GTF2IRD1: variants seen among roughly 807,000 people sequenced by gnomAD.
GTF2IRD1 encodes GTF2I repeat domain containing 1.
In GTF2IRD1, 26 loss-of-function variants were observed where a neutral mutation model predicts 113.2. The ratio of observed to expected loss-of-function variants is 0.23; its 90% CI spans 0.17 to 0.32. The LOEUF (loss-of-function observed/expected upper bound fraction) is 0.32. Among genes scored for constraint, GTF2IRD1 ranks in the 10% least tolerant of loss-of-function variants. GTF2IRD1 has a pLI of 1.00. For missense variants in GTF2IRD1, 864 were observed against 1,280.8 expected (o/e 0.67, Z 4.97); for synonymous variants, 484 against 529.1 (o/e 0.91, Z 1.17).
At chr7:74,489,262 C>T (rs1554336184) in intron 1 of GTF2IRD1, among the ~76,000 whole-genome samples, 2 of 152,196 alleles carry the variant, frequency 1.3e-5, no homozygotes, top group Non-Finnish European at 2.9e-5. Context: ...CCTCACCTCC[C>T]GGGCTGATTC....
chr7:74,535,627 G>T (rs1191965592), intron 10 of GTF2IRD1, among the ~76,000 whole-genome samples: 1 of 152,196 alleles, frequency 6.6e-6, no homozygotes, highest in African/African-American at 2.4e-5. Context: ...GAAGATGCGG[G>T]CTCTTCCCGG....
intron 22 of GTF2IRD1, among the ~76,000 whole-genome samples, chr7:74,564,216 G>T (rs781898846): frequency 6.6e-6 from 1 of 152,032 alleles, no homozygotes; most frequent in Non-Finnish European, 1.5e-5. Context: ...GAGTAGAGAC[G>T]GGGTTTCACC....
intron 2 of GTF2IRD1, among the ~76,000 whole-genome samples, chr7:74,511,119 C>A (rs1350032423): frequency 6.6e-6 from 1 of 152,004 alleles, no homozygotes; most frequent in African/African-American, 2.4e-5. Flanking sequence ...CTTGGAGGAG[C>A]ACATGACCCT....
At chr7:74,560,112 C>G (rs1799859585) in intron 22 of GTF2IRD1, among the ~76,000 whole-genome samples, 1 of 152,198 alleles carries the variant, frequency 6.6e-6, no homozygotes, top group African/African-American at 2.4e-5. Flanking sequence ...AGCCACCTTA[C>G]CTGGGCTCCT....
chr7:74,567,182 G>T (rs187304961), intron 22 of GTF2IRD1, among the ~76,000 whole-genome samples: 4 of 151,968 alleles, frequency 2.6e-5, no homozygotes, highest in Non-Finnish European at 5.9e-5. Flanking sequence ...ACAAAAATTC[G>T]CTGGGCATGG....
At chr7:74,486,867 T>C (rs930779908) in intron 1 of GTF2IRD1, among the ~76,000 whole-genome samples, 9 of 151,698 alleles carry the variant, frequency 5.9e-5, no homozygotes, top group African/African-American at 2.2e-4. Context: ...TAATCCCAGC[T>C]ACTCAGGACA....
At chr7:74,528,803 GTGGATGGATGGA>G (rs1243826177) in intron 8 of GTF2IRD1, among the ~76,000 whole-genome samples, 15 of 51,348 alleles carry the variant, frequency 2.9e-4, no homozygotes, top group Non-Finnish European at 4.2e-4. Context: ...GGGTGGGTGG[GTGGATGGATGGA>G]TGGATGGATG....
chr7:74,463,142 T>C (rs552943182), intron 1 of GTF2IRD1, among the ~76,000 whole-genome samples: 1 of 152,286 alleles, frequency 6.6e-6, no homozygotes, highest in South Asian at 2.1e-4. Context: ...AGGAAGGTGG[T>C]GAAGCCACTG....
chr7:74,508,666 G>C (rs558654068), intron 2 of GTF2IRD1, among the ~76,000 whole-genome samples: 1 of 150,818 alleles, frequency 6.6e-6, no homozygotes, highest in Admixed American at 6.6e-5. Context: ...ACTCCAGCCT[G>C]GGTGACAGGG....
At chr7:74,539,693 A>G (rs1276782159) in intron 13 of GTF2IRD1, among the ~76,000 whole-genome samples, 186 bp from the exon 14 acceptor site, 11 of 151,928 alleles carry the variant, frequency 7.2e-5, no homozygotes, top group African/African-American at 2.7e-4. Context: ...ACAGTGAGCC[A>G]AGATGGCGCC....
chr7:74,471,055 TC>T (rs1794053262), intron 1 of GTF2IRD1, among the ~76,000 whole-genome samples: 1 of 152,168 alleles, frequency 6.6e-6, no homozygotes, highest in South Asian at 2.1e-4. Flanking sequence ...TCTGCCCGCC[TC>T]AGCCTCCCAA....
At chr7:74,551,602 C>T (rs1331673258) in intron 17 of GTF2IRD1, among the ~76,000 whole-genome samples, 1 of 152,012 alleles carries the variant, frequency 6.6e-6, no homozygotes, top group East Asian at 1.9e-4. Flanking sequence ...GACATTGAAG[C>T]GGTGACCCAA....
At chr7:74,517,280 A>ACC (rs1554344855) in intron 4 of GTF2IRD1, among the ~76,000 whole-genome samples, 2,589 of 148,470 alleles carry the variant, frequency 0.017, 81 homozygotes, top group African/African-American at 0.06. Flanking sequence ...TGCCTCGGTA[A>ACC]TCCCAAAGTG....
intron 1 of GTF2IRD1, among the ~76,000 whole-genome samples, chr7:74,494,343 C>A (rs571620584): frequency 6.6e-6 from 1 of 152,346 alleles, no homozygotes; most frequent in African/African-American, 2.4e-5. Flanking sequence ...AGCCGAGGAA[C>A]AGCTGGGGCC....
rs1371302243 is a variant in GTF2IRD1 at position 74,462,607 on chromosome 7, G to A, written c.-7+8431G>A. On this transcript the variant is annotated intron_variant, in intron 1 of 26. Coordinates refer to ENST00000424337, the MANE Select transcript of GTF2IRD1 (RefSeq NM_005685.4). ...GGAAATCTAGCAAACCGGCTTGGCCGGCCCTGCATCAGCTCGGGACCCCCC... is the reference window on the plus strand; with the variant it reads ...GGAAATCTAGCAAACCGGCTTGGCCAGCCCTGCATCAGCTCGGGACCCCCC... 1.3e-5 allele frequency among the ~76,000 whole-genome samples: 2 copies of A among 152,264 alleles called. 1 individual carries two copies. The highest frequency in any genetic ancestry group is 6.8e-3 in the Middle Eastern group (2 of 294).
At chr7:74,490,919 G>C (rs1461141403) in intron 1 of GTF2IRD1, among the ~76,000 whole-genome samples, 1 of 152,148 alleles carries the variant, frequency 6.6e-6, no homozygotes, top group Non-Finnish European at 1.5e-5. Context: ...GATGTGGACT[G>C]TCTTTGTGAG....
chr7:74,539,820 A>G, intron 13 of GTF2IRD1, 59 bp from the exon 14 acceptor site: 2 of 1,185,014 alleles, frequency 1.7e-6, no homozygotes, highest in South Asian at 2.4e-5. Flanking sequence ...GCCCTGAGGG[A>G]CTGTGACAGG....
At chr7:74,536,118 A>G in intron 10 of GTF2IRD1, 49 bp from the exon 11 acceptor site, 1 of 1,157,540 alleles carries the variant, frequency 8.6e-7, no homozygotes, top group South Asian at 1.2e-5. Flanking sequence ...CTCTGCAGCA[A>G]GAGGAGGCCA....
intron 2 of GTF2IRD1, among the ~76,000 whole-genome samples, chr7:74,509,594 T>C (rs73364482): frequency 0.1 from 15,510 of 152,160 alleles, 1,948 homozygotes; most frequent in East Asian, 0.39. Flanking sequence ...TTAGCTGCGC[T>C]CCTGCATTTT....
Sources: gnomAD v4.1 joint callset for allele counts (sites outside exome capture counted in the v4.1 genomes callset) on GRCh38, gnomAD v4.1.1 for gene constraint, MANE v1.5 for transcripts, NCBI Gene and HGNC (gene_info 2026-07-23, HGNC 2026-07-21) for gene names.